Variants in ADCY8 observed in about 807,000 individuals in gnomAD.
ADCY8 encodes the protein adenylate cyclase 8.
Under a neutral mutation model 119.7 loss-of-function variants are expected in ADCY8, and 51 were observed. That is an observed-to-expected ratio of 0.43 (90% CI 0.34 to 0.54). ADCY8 has a LOEUF of 0.54. Ranked by LOEUF, ADCY8 falls within the 20% of genes least tolerant of loss-of-function variation. The pLI is 0.03. For synonymous variants in ADCY8, 665 were observed against 651.0 expected, an observed-to-expected ratio of 1.02 and a Z score of -0.33; for missense variants, 1,383 against 1,598.8, an observed-to-expected ratio of 0.87 and a Z score of 2.30.
At chr8:130,972,064 C>A (rs1401498332) in intron 2 of ADCY8, among the ~76,000 whole-genome samples, 6 of 152,096 alleles carry the variant, frequency 3.9e-5, no homozygotes, top group African/African-American at 1.4e-4. Context: ...AGAAGCAGAC[C>A]ATAATAGAAC....
At chr8:130,886,522 T>C (rs879500754) in intron 7 of ADCY8, among the ~76,000 whole-genome samples, 5 of 151,896 alleles carry the variant, frequency 3.3e-5, no homozygotes, top group African/African-American at 4.8e-5. Flanking sequence ...ACTTGGTGGA[T>C]TTCTCATTGG....
In ADCY8 at chr8:131,040,095, G is replaced by C; in HGVS notation, c.239C>G (p.Ala80Gly). The part of the protein sequence containing the change: ...DPAGGGPNHH[A>G]PQLSGDSALP... ...CGCCGAGTCGCCTGACAGCTGCGGC[G>C]CGTGGTGGTTGGGGCCGCCGCCCGC... is the stretch of plus-strand genomic sequence containing the variant. Residue 80 changes from alanine (A) to glycine (G), a missense_variant, in exon 1 of 18, where the codon GCG becomes GGG. Transcript: ENST00000286355. 7.2e-6 allele frequency: 11 copies of C among 1,529,784 alleles called. No homozygotes were observed. Among genetic ancestry groups the C allele is most frequent in the South Asian group, 3.6e-5 (3 of 82,594 alleles). The allele number at this position is 1,529,784 out of a possible 1,614,324, so 94.8% of individuals were successfully genotyped here. A position where few individuals can be genotyped will look rare whatever the true frequency, so the allele number is the denominator to read the frequency against.
chr8:131,015,615 T>C (rs917896544), intron 1 of ADCY8, among the ~76,000 whole-genome samples: 2 of 152,224 alleles, frequency 1.3e-5, no homozygotes, highest in African/African-American at 4.8e-5. Flanking sequence ...TCTAAACAAT[T>C]CATAGCTTTA....
chr8:130,867,143 A>G (rs1406162946), intron 9 of ADCY8, among the ~76,000 whole-genome samples: 1 of 152,176 alleles, frequency 6.6e-6, no homozygotes, highest in Non-Finnish European at 1.5e-5. Flanking sequence ...AGAGGAGAGG[A>G]AAAAGCATAG....
intron 1 of ADCY8, among the ~76,000 whole-genome samples, chr8:131,019,829 C>CTCTCTCTG (rs1823601914): frequency 3.4e-5 from 4 of 119,220 alleles, no homozygotes; most frequent in Non-Finnish European, 5.2e-5. Flanking sequence ...CTCTCTCTCT[C>CTCTCTCTG]TCTCTCTCTG....
chr8:130,998,166 G>C (rs953139962), intron 1 of ADCY8, among the ~76,000 whole-genome samples: 1 of 152,062 alleles, frequency 6.6e-6, no homozygotes, highest in Non-Finnish European at 1.5e-5. Context: ...TTTAACACAT[G>C]GTGGTGGTGG....
intron 5 of ADCY8, among the ~76,000 whole-genome samples, chr8:130,932,376 C>T (rs1356539785): frequency 6.6e-6 from 1 of 152,082 alleles, no homozygotes; most frequent in East Asian, 1.9e-4. Flanking sequence ...GAGGCTTAGT[C>T]TGTGGGTACC....
At chr8:130,985,143 G>A (rs1311663240) in intron 2 of ADCY8, among the ~76,000 whole-genome samples, 1 of 152,138 alleles carries the variant, frequency 6.6e-6, no homozygotes, top group African/African-American at 2.4e-5. Flanking sequence ...TCAAGGAAAG[G>A]GGGTTGGGGG....
intron 2 of ADCY8, among the ~76,000 whole-genome samples, chr8:130,988,355 C>T (rs1202536771): frequency 1.3e-5 from 2 of 152,094 alleles, no homozygotes; most frequent in Non-Finnish European, 2.9e-5. Context: ...GTTGTGAACA[C>T]AGGACTAAAA....
At chr8:130,871,804 C>T (rs1020385521) in intron 8 of ADCY8, among the ~76,000 whole-genome samples, 3 of 152,104 alleles carry the variant, frequency 2.0e-5, no homozygotes, top group Non-Finnish European at 4.4e-5. Context: ...TCTCATTATT[C>T]CCCTTGCTTC....
intron 7 of ADCY8, 141 bp from the exon 8 acceptor site, chr8:130,884,902 T>A: frequency 1.2e-6 from 1 of 855,012 alleles, no homozygotes; most frequent in Non-Finnish European, 1.9e-6. Context: ...CTACAGAAGT[T>A]GATCTGATAG....
chr8:130,996,364 G>A (rs1586641081), intron 1 of ADCY8, among the ~76,000 whole-genome samples: 2 of 152,122 alleles, frequency 1.3e-5, no homozygotes, highest in South Asian at 2.1e-4. Context: ...AAGAACACAT[G>A]AGTTAGACTA....
chr8:131,002,841 G>A (rs1209547276), intron 1 of ADCY8, among the ~76,000 whole-genome samples: 1 of 152,046 alleles, frequency 6.6e-6, no homozygotes, highest in Non-Finnish European at 1.5e-5. Context: ...AATGATAACA[G>A]AAAGAATTTT....
intron 1 of ADCY8, among the ~76,000 whole-genome samples, chr8:131,018,864 A>C (rs1416981448): frequency 1.3e-5 from 2 of 152,162 alleles, no homozygotes; most frequent in Admixed American, 1.3e-4. Context: ...AATCTCCTGG[A>C]GATTAACATA....
Position 131,039,983 on chromosome 8 carries a change from A to G in ADCY8, c.351T>C (p.Ser117=). The G allele has an allele frequency of 6.3e-7, 1 of 1,576,848 alleles. No individual in the cohort carries two copies. Residue 117 remains serine, a synonymous_variant, in exon 1 of 18, where the codon AGT becomes AGC. Coordinates refer to ENST00000286355, the MANE Select transcript of ADCY8 (RefSeq NM_001115.3). ...CGCCCCCGCCTCCGCTGCCGCTGGCACTGCCGCTCCCGCTGCGTTCCGGGA... is the reference window on the plus strand; with the variant it reads ...CGCCCCCGCCTCCGCTGCCGCTGGCGCTGCCGCTCCCGCTGCGTTCCGGGA... The part of the protein sequence containing the change: ...KVFPERSGSG[S]ASGSGGGGDL...
At chr8:130,985,127 A>G (rs1214813083) in intron 2 of ADCY8, among the ~76,000 whole-genome samples, 1 of 152,080 alleles carries the variant, frequency 6.6e-6, no homozygotes, top group Non-Finnish European at 1.5e-5. Flanking sequence ...AAGAGAGGAG[A>G]GTGCTTCAAG....
intron 9 of ADCY8, among the ~76,000 whole-genome samples, chr8:130,857,258 A>ATAAAAG (rs1466574533): frequency 1.3e-5 from 2 of 151,864 alleles, no homozygotes; most frequent in Admixed American, 6.6e-5. Context: ...AAAAATAAAA[A>ATAAAAG]TAAAAACAAA....
intron 1 of ADCY8, among the ~76,000 whole-genome samples, chr8:131,030,879 G>T (rs1011181959): frequency 7.9e-5 from 12 of 152,202 alleles, no homozygotes; most frequent in Non-Finnish European, 1.8e-4. Flanking sequence ...TTATTGGGCA[G>T]AGATCCCAGG....
chr8:130,892,323 G>A (rs1253802302), intron 7 of ADCY8: 5 of 151,592 alleles, frequency 3.3e-5, no homozygotes, highest in Admixed American at 1.3e-4. Flanking sequence ...GGAAGTTTCC[G>A]ACTATTGTCT....
Sources: allele counts gnomAD v4.1 joint callset (sites outside exome capture counted in the v4.1 genomes callset), GRCh38; gene constraint gnomAD v4.1.1; transcripts MANE v1.5; gene names NCBI Gene and HGNC (gene_info 2026-07-23, HGNC 2026-07-21).